SYMPK: variants seen among roughly 807,000 people sequenced by gnomAD.
The protein encoded by SYMPK is symplekin scaffold protein.
In SYMPK, 49 loss-of-function variants were observed where a neutral mutation model predicts 136.4. The observed-to-expected ratio is 0.36, with a 90% CI of 0.29 to 0.46. The LOEUF (loss-of-function observed/expected upper bound fraction) is 0.46. Ranked by LOEUF, SYMPK falls within the 20% of genes least tolerant of loss-of-function variation. SYMPK has a pLI of 1.00. For missense variants in SYMPK, 1,365 were observed against 1,690.0 expected, an observed-to-expected ratio of 0.81 and a Z score of 3.37; for synonymous variants, 766 against 713.0, an observed-to-expected ratio of 1.07 and a Z score of -1.19.
intron 10 of SYMPK, among the ~76,000 whole-genome samples, chr19:45,836,675 A>G (rs575235554): frequency 1.3e-4 from 19 of 151,546 alleles, no homozygotes; most frequent in Non-Finnish European, 2.4e-4. Context: ...GTCTTACTCT[A>G]TTGTCCAGGC....
chr19:45,840,221 G>A lies in SYMPK; in HGVS notation c.1088-1606C>T, dbSNP rs192928334. The stretch of plus-strand genomic sequence containing the variant: ...CCCCAGCTACTCGGGAGGCTGAGGA[G>A]GGAGAATCTCTTAAACCTGGGAGGC... On this transcript the variant is annotated intron_variant, in intron 9 of 26. Transcript: ENST00000245934. 1.1e-3 allele frequency among the ~76,000 whole-genome samples: 171 copies of A among 150,152 alleles called. 1 individual carries two copies. Among genetic ancestry groups the A allele is most frequent in the South Asian group, 0.01 (49 of 4,730 alleles).
Position 45,847,792 on chromosome 19 carries a change from G to C in SYMPK, c.636C>G (p.Ser212Arg). The change falls in exon 7 of 27, where the codon AGC becomes AGG. Residue 212 changes from serine (S) to arginine (R), a missense_variant. Ser to Arg is a moderately radical substitution (Grantham distance 110, BLOSUM62 -1). Transcript: ENST00000245934. ...EIPRRQEHDI[S>R]LDRIPRDHPY... Reference sequence around the variant, plus strand: ...GGTGGTCACGAGGGATGCGGTCCAGGCTGATATCATGCTCCTGGCGTCGGG... The same window carrying C: ...GGTGGTCACGAGGGATGCGGTCCAGCCTGATATCATGCTCCTGGCGTCGGG... 1 of 1,614,120 alleles carries C rather than the reference G, an allele frequency of 6.2e-7. No homozygotes were observed. Among genetic ancestry groups the C allele is most frequent in the Non-Finnish European group, 8.5e-7 (1 of 1,180,022 alleles).
rs1017425851 is a variant in SYMPK, at chr19:45,830,214, A to G, written c.1599-10T>C. On this transcript the variant is annotated splice_polypyrimidine_tract_variant and intron_variant, in intron 12 of 26. Transcript: ENST00000245934. ...ACCAGCGCCTGCCAGCCTGTGTGGA[A>G]GAGCAGTGACAGAGATGCAGTGACC... 1 of 1,608,144 alleles carries G rather than the reference A, an allele frequency of 6.2e-7. No individual in the cohort carries two copies. The highest frequency in any genetic ancestry group is 8.5e-7 in the Non-Finnish European group (1 of 1,176,510).
chr19:45,860,811 C>G (rs377033210), intron 1 of SYMPK, among the ~76,000 whole-genome samples: 7 of 152,216 alleles, frequency 4.6e-5, no homozygotes. Flanking sequence ...AATTTTTGTA[C>G]TTTCTGTAGA....
rs1970699902 is a variant in SYMPK, at chr19:45,815,434, C to CG, written c.*125_*126insC. 1.4e-5 allele frequency: 15 copies of CG among 1,073,764 alleles called. No homozygotes were observed. The highest frequency in any genetic ancestry group is 1.9e-5 in the Non-Finnish European group (15 of 781,976). The allele number at this position is 1,073,764 out of a possible 1,614,324, so 66.5% of individuals were successfully genotyped here. On this transcript the variant is annotated 3_prime_UTR_variant, in exon 27 of 27. Transcript: ENST00000245934. The stretch of plus-strand genomic sequence containing the variant: ...AGGCCCGCCATCCCTTTTTTTTTTT[C>CG]TTTTCAGTAACTTGCCCAAGTTCAC...
rs768747655 is a variant in SYMPK, at chr19:45,842,269, T to G, written c.1068A>C (p.Thr356=). 6.2e-7 allele frequency: 1 copy of G among 1,614,096 alleles called. No homozygotes were observed. Among genetic ancestry groups the G allele is most frequent in the Non-Finnish European group, 8.5e-7 (1 of 1,180,022 alleles). ...TCTCACCCAGCTTCATCTTCTTGAG[T>G]GTGGAGTCCGAGTCATCGCGGGGCC... The part of the protein sequence containing the change: ...RKRPRDDSDS[T]LKKMKLEPNL... Residue 356 remains threonine (T), a synonymous_variant, in exon 9 of 27, where the codon ACA becomes ACC. Coordinates refer to ENST00000245934, the MANE Select transcript of SYMPK (RefSeq NM_004819.3).
chr19:45,851,742 C>T (rs550245450), intron 5 of SYMPK, among the ~76,000 whole-genome samples: 61 of 152,020 alleles, frequency 4.0e-4, no homozygotes, highest in East Asian at 1.4e-3. Context: ...GATGTGGTGG[C>T]GCATGCCTGT....
intron 16 of SYMPK, among the ~76,000 whole-genome samples, chr19:45,826,873 G>C (rs1026367555): frequency 6.6e-6 from 1 of 152,212 alleles, no homozygotes; most frequent in Non-Finnish European, 1.5e-5. Context: ...CAAGGGCTGG[G>C]GCAAAAGGCT....
At chr19:45,845,382 C>A (rs1261477101) in intron 7 of SYMPK, among the ~76,000 whole-genome samples, 1 of 152,184 alleles carries the variant, frequency 6.6e-6, no homozygotes, top group African/African-American at 2.4e-5. Flanking sequence ...TGGTAACCAT[C>A]ATTCTACCGT....
intron 1 of SYMPK, among the ~76,000 whole-genome samples, chr19:45,861,237 T>C (rs1215464356): frequency 6.6e-6 from 1 of 152,148 alleles, no homozygotes; most frequent in African/African-American, 2.4e-5. Context: ...TTTCCACTTT[T>C]TTCATGATAA....
chr19:45,816,764 GGGGGAAA>G, intron 24 of SYMPK, 27 bp downstream of exon 24: 1 of 1,500,218 alleles, frequency 6.7e-7, no homozygotes, highest in Non-Finnish European at 8.9e-7. Flanking sequence ...ACCCTGGGTG[GGGGGAAA>G]GGGTACCTGG....
chr19:45,815,522 CGAG>C lies in SYMPK; in HGVS notation c.*35_*37del. The C allele has an allele frequency of 7.1e-7, 1 of 1,408,456 alleles. No individual in the cohort carries two copies. The highest frequency in any genetic ancestry group is 9.5e-7 in the Non-Finnish European group (1 of 1,054,524). The allele number at this position is 1,408,456 out of a possible 1,614,324, so 87.2% of individuals were successfully genotyped here. ...CAAGCCCCGCCCCGTCCCCCAGCCC[CGAG>C]TCCCTGTCCCACCCCCTTTCCCCCT... On this transcript the variant is annotated 3_prime_UTR_variant, in exon 27 of 27. Transcript: ENST00000245934.
chr19:45,828,710 T>G, intron 14 of SYMPK: 4 of 518,022 alleles, frequency 7.7e-6, no homozygotes, highest in South Asian at 7.4e-5. Context: ...AGAGAGGGAG[T>G]GACAAAGCCA....
chr19:45,825,046 C>T (rs955894111), intron 18 of SYMPK, 125 bp downstream of exon 18: 41 of 1,226,632 alleles, frequency 3.3e-5, no homozygotes, highest in Non-Finnish European at 4.3e-5. Flanking sequence ...CAGCCTGGGT[C>T]GGCCCGGGGT....
chr19:45,835,805 G>A (rs1162715379), intron 10 of SYMPK, among the ~76,000 whole-genome samples: 3 of 151,968 alleles, frequency 2.0e-5, no homozygotes, highest in Admixed American at 6.6e-5. Context: ...CCAGCTACTC[G>A]GGAGGCTGAG....
intron 24 of SYMPK, 71 bp from the exon 25 acceptor site, chr19:45,816,648 C>T: frequency 6.3e-7 from 1 of 1,595,812 alleles, no homozygotes; most frequent in Non-Finnish European, 8.5e-7. Context: ...CACCTCAGGT[C>T]CGGGGGCCCT....
In SYMPK at chr19:45,863,113, T is replaced by TCCG. The variant is rs3840932; in HGVS notation, c.-71_-69dup. ...CCCTCAGCAGTGCCTCTTCCTACAC[T>TCCG]CCGCCGCCGCCGCCGCCGCCATCTT... On this transcript the variant is annotated 5_prime_UTR_variant, in exon 1 of 27. Transcript: ENST00000245934. 140 of 404,218 alleles carry TCCG rather than the reference T, an allele frequency of 3.5e-4. 1 individual carries two copies. The highest frequency in any genetic ancestry group is 1.6e-3 in the Middle Eastern group (5 of 3,098). The allele number at this position is 404,218 out of a possible 1,614,324, so 25.0% of individuals were successfully genotyped here. A position where few individuals can be genotyped will look rare whatever the true frequency, so the allele number is the denominator to read the frequency against.
chr19:45,836,247 A>G (rs893276162), intron 10 of SYMPK, among the ~76,000 whole-genome samples: 1 of 151,580 alleles, frequency 6.6e-6, no homozygotes, highest in Non-Finnish European at 1.5e-5. Flanking sequence ...GCACCTGGCT[A>G]ATTTTTGTAT....
intron 10 of SYMPK, among the ~76,000 whole-genome samples, chr19:45,837,856 G>T (rs1971340317): frequency 6.6e-6 from 1 of 152,054 alleles, no homozygotes; most frequent in African/African-American, 2.4e-5. Context: ...TTTGGGAACT[G>T]GGAGGGGCCT....
Sources: allele counts gnomAD v4.1 joint callset (sites outside exome capture counted in the v4.1 genomes callset), GRCh38; gene constraint gnomAD v4.1.1; transcripts MANE v1.5; gene names NCBI Gene and HGNC (gene_info 2026-07-23, HGNC 2026-07-21).